RABGAP1L: variants seen among roughly 807,000 people sequenced by gnomAD.
RABGAP1L encodes RAB GTPase activating protein 1 like.
RABGAP1L carries 63 observed loss-of-function variants against 137.7 expected under a neutral mutation model. The observed-to-expected ratio is 0.46, with a 90% confidence interval of 0.37 to 0.56. RABGAP1L has a LOEUF of 0.56. Ranked by LOEUF, RABGAP1L falls within the 20% of genes least tolerant of loss-of-function variation. The probability of loss-of-function intolerance (pLI) is 0.00; values close to 1 mark genes in which losing one functional copy is unlikely to be tolerated. For synonymous variants in RABGAP1L, 431 were observed against 433.7 expected (o/e 0.99, Z 0.08); for missense variants, 1,095 against 1,244.0 (o/e 0.88, Z 1.80).
At chr1:174,803,798 C>G (rs1688981915) in intron 18 of RABGAP1L, among the ~76,000 whole-genome samples, 1 of 152,106 alleles carries the variant, frequency 6.6e-6, no homozygotes, top group East Asian at 1.9e-4. Flanking sequence ...TCAGGCCAAG[C>G]GCAGTGGCTC....
At chr1:174,916,789 G>A (rs1242436438) in intron 19 of RABGAP1L, among the ~76,000 whole-genome samples, 1 of 152,126 alleles carries the variant, frequency 6.6e-6, no homozygotes, top group East Asian at 1.9e-4. Flanking sequence ...GCCATACCTA[G>A]ATGCAAACAG....
chr1:174,611,250 A>T (rs1337349770), intron 13 of RABGAP1L, among the ~76,000 whole-genome samples: 1 of 149,694 alleles, frequency 6.7e-6, no homozygotes, highest in Non-Finnish European at 1.5e-5. Flanking sequence ...TAAGGAAGGG[A>T]TCCAGTTTCA....
At chr1:174,384,860 C>T (rs1686613026) in intron 12 of RABGAP1L, among the ~76,000 whole-genome samples, 1 of 152,130 alleles carries the variant, frequency 6.6e-6, no homozygotes, top group Non-Finnish European at 1.5e-5. Context: ...ATTTTATGAA[C>T]ATTTTATATA....
chr1:174,418,039 G>A (rs1380147447), intron 13 of RABGAP1L, among the ~76,000 whole-genome samples: 1 of 152,136 alleles, frequency 6.6e-6, no homozygotes, highest in African/African-American at 2.4e-5. Context: ...TAAACACTAA[G>A]AGGCAACTTA....
At chr1:174,315,729 C>G (rs184085278) in intron 11 of RABGAP1L, among the ~76,000 whole-genome samples, 2 of 150,454 alleles carry the variant, frequency 1.3e-5, no homozygotes, top group African/African-American at 4.9e-5. Flanking sequence ...TTGACATAGT[C>G]TTCTTTGGGT....
chr1:174,234,998 G>T (rs1271951188), intron 4 of RABGAP1L, among the ~76,000 whole-genome samples: 3 of 123,390 alleles, frequency 2.4e-5, no homozygotes, highest in Admixed American at 7.8e-5. Flanking sequence ...TTGTAAGTTG[G>T]ATTCCTAGGT....
chr1:174,729,839 G>T (rs1479603336), intron 17 of RABGAP1L, among the ~76,000 whole-genome samples: 1 of 152,142 alleles, frequency 6.6e-6, no homozygotes, highest in African/African-American at 2.4e-5. Flanking sequence ...GTGATGCTGT[G>T]GAGAAAAGGA....
At chr1:174,876,965 A>G (rs1181823589) in intron 19 of RABGAP1L, among the ~76,000 whole-genome samples, 1 of 151,988 alleles carries the variant, frequency 6.6e-6, no homozygotes, top group Non-Finnish European at 1.5e-5. Flanking sequence ...AATGGTTTTC[A>G]TCTGTTTATT....
chr1:174,871,334 A>G (rs901172981), intron 19 of RABGAP1L, among the ~76,000 whole-genome samples: 26 of 151,340 alleles, frequency 1.7e-4, no homozygotes, highest in African/African-American at 5.8e-4. Context: ...GGGTTTCACC[A>G]CGTTGGCCAA....
intron 17 of RABGAP1L, among the ~76,000 whole-genome samples, chr1:174,746,125 G>A (rs1683842459): frequency 6.6e-6 from 1 of 152,132 alleles, no homozygotes; most frequent in Non-Finnish European, 1.5e-5. Flanking sequence ...GCTTATCAGA[G>A]CCAGAATGTT....
chr1:174,597,821 G>A (rs914526414), intron 13 of RABGAP1L, among the ~76,000 whole-genome samples: 1 of 152,014 alleles, frequency 6.6e-6, no homozygotes, highest in Non-Finnish European at 1.5e-5. Context: ...TGCTTTCACT[G>A]TATTCCAGAG....
intron 18 of RABGAP1L, among the ~76,000 whole-genome samples, chr1:174,754,027 C>T (rs970986705): frequency 1.7e-4 from 26 of 152,158 alleles, no homozygotes; most frequent in South Asian, 4.1e-4. Flanking sequence ...AAATTATCTT[C>T]TTGATTGACA....
At chr1:174,519,601 T>C (rs959612712) in intron 13 of RABGAP1L, among the ~76,000 whole-genome samples, 18 of 152,190 alleles carry the variant, frequency 1.2e-4, no homozygotes, top group African/African-American at 4.3e-4. Context: ...AATCCAGTCA[T>C]GTTCACACTC....
intron 14 of RABGAP1L, among the ~76,000 whole-genome samples, chr1:174,642,708 CTT>C (rs1421002577): frequency 7.0e-6 from 1 of 141,984 alleles, no homozygotes; most frequent in East Asian, 2.2e-4. Context: ...TCTCTCTTTT[CTT>C]TTTCTCTCTC....
chr1:174,957,343 C>T, intron 19 of RABGAP1L, 114 bp from the exon 20 acceptor site: 1 of 772,840 alleles, frequency 1.3e-6, no homozygotes, highest in Admixed American at 2.4e-5. Context: ...TTTCTCCTAA[C>T]TTTGAGTTGA....
chr1:174,547,855 C>T, intron 13 of RABGAP1L: 1 of 1,536,192 alleles, frequency 6.5e-7, no homozygotes, highest in Non-Finnish European at 8.8e-7. Flanking sequence ...GAAATTTAGT[C>T]TTACACCGAG....
intron 25 of RABGAP1L, 129 bp from the exon 26 acceptor site, chr1:174,989,720 C>G (rs901973560): frequency 1.5e-4 from 145 of 981,428 alleles, no homozygotes; most frequent in Admixed American, 3.8e-4. Context: ...AATTCAATCT[C>G]TCCTGGGTTT....
chr1:174,238,580 GGGGGTCA>G (rs1571713952), intron 4 of RABGAP1L, among the ~76,000 whole-genome samples: 1 of 151,532 alleles, frequency 6.6e-6, no homozygotes, highest in African/African-American at 2.4e-5. Flanking sequence ...TAGGCTGCTC[GGGGGTCA>G]GGGGTCAGGG....
chr1:174,641,150 T>C (rs1250585569), intron 14 of RABGAP1L, among the ~76,000 whole-genome samples: 1 of 151,874 alleles, frequency 6.6e-6, no homozygotes, highest in Admixed American at 6.6e-5. Flanking sequence ...TTAAGAGAAT[T>C]TCAGTGACAA....
Sources: gnomAD v4.1 joint callset for allele counts (sites outside exome capture counted in the v4.1 genomes callset) on GRCh38, gnomAD v4.1.1 for gene constraint, MANE v1.5 for transcripts, NCBI Gene and HGNC (gene_info 2026-07-23, HGNC 2026-07-21) for gene names.